PHACTR3: variants seen among roughly 807,000 people sequenced by gnomAD.
PHACTR3 encodes the protein protein phosphatase 1, regulatory subunit 123.
PHACTR3 carries 16 observed loss-of-function variants against 66.8 expected under a neutral mutation model. The observed-to-expected ratio is 0.24, with a 90% confidence interval of 0.16 to 0.36. The LOEUF (loss-of-function observed/expected upper bound fraction) is 0.36. Ranked by LOEUF, PHACTR3 falls within the 10% of genes least tolerant of loss-of-function variation. PHACTR3 has a pLI of 1.00. For synonymous variants in PHACTR3, 323 were observed against 292.1 expected, an observed-to-expected ratio of 1.11 and a Z score of -1.08; for missense variants, 647 against 719.9, an observed-to-expected ratio of 0.90 and a Z score of 1.16.
chr20:59,754,623 C>A (rs1378049110), intron 3 of PHACTR3, among the ~76,000 whole-genome samples: 4 of 152,324 alleles, frequency 2.6e-5, no homozygotes, highest in African/African-American at 9.6e-5. Flanking sequence ...GCCATGACAA[C>A]CCCTGCATCT....
intron 1 of PHACTR3, among the ~76,000 whole-genome samples, chr20:59,664,603 T>C (rs1441224902): frequency 2.0e-5 from 3 of 152,212 alleles, no homozygotes; most frequent in African/African-American, 7.2e-5. Context: ...ATCCCCCTCC[T>C]GATCCCGGGA....
At position 59,805,980 on chromosome 20, in the gene PHACTR3, C is replaced by G; in HGVS notation, c.1175-61C>G. Reference sequence around the variant, plus strand: ...GGGCGGCTCCATTGACAAGCCAGCCCTCCGCTAAGACCTGTCTCCTTTGTT... The same window carrying G: ...GGGCGGCTCCATTGACAAGCCAGCCGTCCGCTAAGACCTGTCTCCTTTGTT... On this transcript the variant is annotated intron_variant, in intron 7 of 12. Coordinates refer to ENST00000371015, the MANE Select transcript of PHACTR3 (RefSeq NM_080672.5). 3 of 1,541,654 alleles carry G rather than the reference C, an allele frequency of 1.9e-6. No homozygotes were observed. In the South Asian group the frequency reaches 3.8e-5, roughly 20 times the overall value.
chr20:59,583,481 G>A (rs774243039), intron 1 of PHACTR3, among the ~76,000 whole-genome samples: 1 of 152,198 alleles, frequency 6.6e-6, no homozygotes, highest in Non-Finnish European at 1.5e-5. Context: ...GGGACCAGCT[G>A]TGTGGAGAAA....
intron 1 of PHACTR3, among the ~76,000 whole-genome samples, chr20:59,673,246 C>T (rs1452626321): frequency 6.6e-6 from 1 of 152,196 alleles, no homozygotes; most frequent in Non-Finnish European, 1.5e-5. Context: ...GGCTGAGCCT[C>T]TTTGGGTCTT....
intron 1 of PHACTR3, among the ~76,000 whole-genome samples, chr20:59,735,156 C>T (rs189482220): frequency 6.6e-6 from 1 of 152,118 alleles, no homozygotes; most frequent in South Asian, 2.1e-4. Flanking sequence ...TTATTTGCTT[C>T]TATTGTGGCT....
At chr20:59,640,907 T>C (rs1477433903) in intron 1 of PHACTR3, among the ~76,000 whole-genome samples, 1 of 152,024 alleles carries the variant, frequency 6.6e-6, no homozygotes, top group Non-Finnish European at 1.5e-5. Flanking sequence ...AGCAGTAGAG[T>C]AGGGACTCAT....
intron 1 of PHACTR3, among the ~76,000 whole-genome samples, chr20:59,581,173 GC>G (rs2032845156): frequency 6.6e-6 from 1 of 152,244 alleles, no homozygotes; most frequent in African/African-American, 2.4e-5. Context: ...CCACAGCTGT[GC>G]CCACCTGACC....
At chr20:59,765,440 T>C (rs1254640418) in intron 4 of PHACTR3, among the ~76,000 whole-genome samples, 1 of 152,212 alleles carries the variant, frequency 6.6e-6, no homozygotes, top group Non-Finnish European at 1.5e-5. Flanking sequence ...CGTCTGCAGC[T>C]GGAGTATGTG....
intron 2 of PHACTR3, 132 bp from the exon 3 acceptor site, chr20:59,747,626 C>T: frequency 1.0e-6 from 1 of 970,420 alleles, no homozygotes. Context: ...TGGACTAGGC[C>T]CCCTAACCCC....
intron 8 of PHACTR3, among the ~76,000 whole-genome samples, chr20:59,822,501 C>A (rs1456734272): frequency 6.6e-6 from 1 of 151,526 alleles, no homozygotes; most frequent in Non-Finnish European, 1.5e-5. Context: ...ACGGGAAGGG[C>A]TGCAGTGCAG....
chr20:59,802,110 G>C (rs1358160897), intron 7 of PHACTR3, among the ~76,000 whole-genome samples: 1 of 152,196 alleles, frequency 6.6e-6, no homozygotes, highest in Non-Finnish European at 1.5e-5. Context: ...GTCCTACTTA[G>C]TTTTGGACGT....
intron 7 of PHACTR3, among the ~76,000 whole-genome samples, chr20:59,803,265 A>T (rs1161275138): frequency 6.6e-6 from 1 of 152,352 alleles, no homozygotes; most frequent in East Asian, 1.9e-4. Context: ...TCTGGAATAA[A>T]CATTCCTTGT....
chr20:59,753,692 T>C (rs1275366476), intron 3 of PHACTR3, among the ~76,000 whole-genome samples: 1 of 152,218 alleles, frequency 6.6e-6, no homozygotes. Flanking sequence ...AGCAGAAATA[T>C]TATCCCCATT....
chr20:59,686,476 A>T (rs1327743802), intron 1 of PHACTR3, among the ~76,000 whole-genome samples: 1 of 152,210 alleles, frequency 6.6e-6, no homozygotes, highest in Non-Finnish European at 1.5e-5. Flanking sequence ...AGCTGCCATG[A>T]TGATGGTGAT....
chr20:59,726,016 C>G (rs2038549009), intron 1 of PHACTR3, among the ~76,000 whole-genome samples: 2 of 152,220 alleles, frequency 1.3e-5, no homozygotes, highest in Admixed American at 6.5e-5. Flanking sequence ...CCTTCCAGAA[C>G]AGGGTGTACC....
Position 59,847,071 on chromosome 20 carries a change from G to A in PHACTR3, c.1665-44G>A, listed in dbSNP as rs1338933. Reference sequence around the variant, plus strand: ...AGGTTTTTGGCTATTTTAACTGCTAGAAATGAATAACCTTAAATTCTTTGT... The same window carrying A: ...AGGTTTTTGGCTATTTTAACTGCTAAAAATGAATAACCTTAAATTCTTTGT... On this transcript the variant is annotated intron_variant, in intron 12 of 12. Transcript: ENST00000371015. 4,206 of 1,404,188 alleles carry A rather than the reference G, an allele frequency of 3.0e-3. 13 individuals carry two copies. The highest frequency in any genetic ancestry group is 4.3e-3 in the Middle Eastern group (23 of 5,296). The allele number at this position is 1,404,188 out of a possible 1,614,324, so 87.0% of individuals were successfully genotyped here. A position where few individuals can be genotyped will look rare whatever the true frequency, so the allele number is the denominator to read the frequency against.
At chr20:59,704,483 G>A (rs1038790239) in intron 1 of PHACTR3, among the ~76,000 whole-genome samples, 4 of 151,092 alleles carry the variant, frequency 2.6e-5, no homozygotes, top group African/African-American at 9.7e-5. Flanking sequence ...TCAGCTCATG[G>A]GAAATGCATT....
chr20:59,605,219 C>A, intron 1 of PHACTR3, 87 bp downstream of exon 1: 2 of 961,364 alleles, frequency 2.1e-6, no homozygotes, highest in Non-Finnish European at 2.7e-6. Flanking sequence ...GCTCCGCGCC[C>A]CGCCTGCATT....
chr20:59,806,849 C>T (rs1342998285), intron 8 of PHACTR3, among the ~76,000 whole-genome samples: 1 of 152,230 alleles, frequency 6.6e-6, no homozygotes, highest in African/African-American at 2.4e-5. Flanking sequence ...CAAACCCGTA[C>T]AGCACATGAC....
Sources: allele counts gnomAD v4.1 joint callset (sites outside exome capture counted in the v4.1 genomes callset), GRCh38; gene constraint gnomAD v4.1.1; transcripts MANE v1.5; gene names NCBI Gene and HGNC (gene_info 2026-07-23, HGNC 2026-07-21).